ABR: variants seen among roughly 807,000 people sequenced by gnomAD.
ABR encodes the protein ABR activator of RhoGEF and GTPase, also known as active breakpoint cluster region-related protein.
A neutral mutation model predicts 107.2 loss-of-function variants in ABR; 35 were observed. The ratio of observed to expected loss-of-function variants is 0.33; its 90% CI spans 0.25 to 0.43. ABR has a LOEUF of 0.43. Ranked by LOEUF, ABR falls within the 20% of genes least tolerant of loss-of-function variation. The pLI is 1.00. For synonymous variants in ABR, 498 were observed against 462.0 expected (o/e 1.08, Z -1.00); for missense variants, 815 against 1,115.2 (o/e 0.73, Z 3.83).
intron 16 of ABR, among the ~76,000 whole-genome samples, chr17:1,029,056 G>A (rs2072483180): frequency 1.3e-5 from 2 of 151,296 alleles, no homozygotes; most frequent in South Asian, 4.2e-4. Context: ...AAGGATGGGA[G>A]GGAGAGGAAG....
At chr17:1,031,832 G>A (rs1205191181) in intron 16 of ABR, 38 of 1,083,478 alleles carry the variant, frequency 3.5e-5, no homozygotes, top group Non-Finnish European at 4.2e-5. Context: ...TAGTCCCGCC[G>A]GCTTTCCCCG....
chr17:1,062,446 A>ACTG (rs2034101943), intron 10 of ABR, among the ~76,000 whole-genome samples: 1 of 106,386 alleles, frequency 9.4e-6, no homozygotes, highest in Non-Finnish European at 1.9e-5. Flanking sequence ...TTCCTCTAGC[A>ACTG]CTGCTGTTAC....
intron 16 of ABR, among the ~76,000 whole-genome samples, chr17:1,047,890 T>C (rs1567647726): frequency 6.6e-6 from 1 of 152,142 alleles, no homozygotes; most frequent in Non-Finnish European, 1.5e-5. Context: ...CCTCGGGCCT[T>C]GGGAGCTGAG....
At chr17:1,029,248 G>A (rs2072503421) in intron 16 of ABR, among the ~76,000 whole-genome samples, 1 of 152,036 alleles carries the variant, frequency 6.6e-6, no homozygotes, top group Non-Finnish European at 1.5e-5. Flanking sequence ...CCAAGTCAGG[G>A]GCTGGAATGA....
chr17:1,088,635 G>A (rs914691621), intron 4 of ABR, among the ~76,000 whole-genome samples: 2 of 151,840 alleles, frequency 1.3e-5, no homozygotes, highest in African/African-American at 2.4e-5. Context: ...GCCCAGGCTG[G>A]AGTGGAGTGG....
chr17:1,015,987 C>T (rs915262150), intron 16 of ABR, among the ~76,000 whole-genome samples: 9 of 152,006 alleles, frequency 5.9e-5, no homozygotes, highest in East Asian at 1.9e-4. Flanking sequence ...CCCAGGAGTT[C>T]GAGACCAGCC....
chr17:1,203,703 C>G (rs1035405380), intron 1 of ABR, among the ~76,000 whole-genome samples: 1 of 152,114 alleles, frequency 6.6e-6, no homozygotes, highest in Non-Finnish European at 1.5e-5. Context: ...CTTCAGGGCC[C>G]GGGTCGTGTC....
chr17:1,113,782 TAAAG>T (rs889249766), intron 2 of ABR, among the ~76,000 whole-genome samples: 1 of 152,148 alleles, frequency 6.6e-6, no homozygotes, highest in Non-Finnish European at 1.5e-5. Flanking sequence ...ACACACATAA[TAAAG>T]AAAGAGAAAG....
chr17:1,072,041 C>A (rs919418614), intron 8 of ABR, among the ~76,000 whole-genome samples: 2 of 152,218 alleles, frequency 1.3e-5, no homozygotes, highest in African/African-American at 2.4e-5. Context: ...GTAGCTGGCA[C>A]TACAGGCATC....
At chr17:1,087,264 T>C (rs2036656268) in intron 4 of ABR, among the ~76,000 whole-genome samples, 1 of 152,200 alleles carries the variant, frequency 6.6e-6, no homozygotes, top group Non-Finnish European at 1.5e-5. Context: ...ACCACTCTGC[T>C]TTCTGCAGGA....
chr17:1,146,638 CCACCACTGCCACAT>C (rs2040542323), intron 1 of ABR, among the ~76,000 whole-genome samples: 20 of 143,620 alleles, frequency 1.4e-4, no homozygotes, highest in Admixed American at 6.9e-5. Context: ...CTGCCACATG[CCACCACTGCCACAT>C]GCCACCACTG....
intron 16 of ABR, among the ~76,000 whole-genome samples, chr17:1,014,773 T>C (rs1007009335): frequency 1.3e-5 from 2 of 149,638 alleles, no homozygotes; most frequent in South Asian, 4.3e-4. Flanking sequence ...ATGAACCCAG[T>C]AGGTGGAGGT....
intron 1 of ABR, among the ~76,000 whole-genome samples, chr17:1,173,013 T>C (rs111323848): frequency 0.077 from 922 of 12,000 alleles, 5 homozygotes; most frequent in Non-Finnish European, 0.13. Context: ...ATCACCTCAG[T>C]CCACCCAACA....
intron 16 of ABR, among the ~76,000 whole-genome samples, chr17:1,034,610 A>G (rs28491474): frequency 0.047 from 7,150 of 152,192 alleles, 290 homozygotes; most frequent in South Asian, 0.19. Flanking sequence ...TCGGGGCTGT[A>G]GGGAAAGGCC....
At chr17:1,163,374 G>C (rs909874170) in intron 1 of ABR, among the ~76,000 whole-genome samples, 1 of 152,192 alleles carries the variant, frequency 6.6e-6, no homozygotes, top group African/African-American at 2.4e-5. Flanking sequence ...CTTCAGCTTG[G>C]CCTCTAGGAG....
At chr17:1,026,959 C>G (rs1057397372) in intron 16 of ABR, among the ~76,000 whole-genome samples, 13 of 150,526 alleles carry the variant, frequency 8.6e-5, no homozygotes, top group Non-Finnish European at 1.8e-4. Context: ...CCCCCAGACT[C>G]ACACCTGCAG....
At chr17:1,040,768 C>T (rs1419686520) in intron 16 of ABR, among the ~76,000 whole-genome samples, 5 of 152,332 alleles carry the variant, frequency 3.3e-5, no homozygotes, top group South Asian at 4.1e-4. Flanking sequence ...AGTCCTCTTA[C>T]AGCCCATCTG....
At chr17:1,109,133 AGGAGGGAGGAGGCG>A in intron 2 of ABR, 1 of 918,826 alleles carries the variant, frequency 1.1e-6, no homozygotes, top group Non-Finnish European at 1.5e-6. Flanking sequence ...GGGAGGAGGG[AGGAGGGAGGAGGCG>A]GGCGGGAGGG....
chr17:1,073,055 C>A (rs968669146), intron 7 of ABR, among the ~76,000 whole-genome samples: 11 of 151,900 alleles, frequency 7.2e-5, no homozygotes, highest in African/African-American at 2.4e-4. Flanking sequence ...TGGCGGGCGC[C>A]TGTAGTCCCA....
Sources: gnomAD v4.1 joint callset for allele counts (sites outside exome capture counted in the v4.1 genomes callset) on GRCh38, gnomAD v4.1.1 for gene constraint, MANE v1.5 for transcripts, NCBI Gene and HGNC (gene_info 2026-07-23, HGNC 2026-07-21) for gene names.